Variants in POLR2B observed in about 807,000 individuals in gnomAD.
The protein encoded by POLR2B is RNA polymerase II subunit B, also known as DNA-directed RNA polymerase II subunit RPB2.
Under a neutral mutation model 144.6 loss-of-function variants are expected in POLR2B, and 57 were observed. The ratio of observed to expected loss-of-function variants is 0.39; its 90% confidence interval spans 0.32 to 0.49. The LOEUF is 0.49. Among genes scored for constraint, POLR2B ranks in the 20% least tolerant of loss-of-function variants. POLR2B has a pLI of 0.83. For missense variants in POLR2B, 595 were observed against 1,467.4 expected, an observed-to-expected ratio of 0.41 and a Z score of 9.71; for synonymous variants, 442 against 469.8, an observed-to-expected ratio of 0.94 and a Z score of 0.77.
chr4:57,005,487 T>A, intron 8 of POLR2B, 45 bp downstream of exon 8: 1 of 1,491,780 alleles, frequency 6.7e-7, no homozygotes, highest in Non-Finnish European at 9.0e-7. Flanking sequence ...AAGATACAGT[T>A]GAGATAAAGG....
Position 56,979,011 on chromosome 4 carries a change from G to A in POLR2B, c.19+7G>A. Reference sequence around the variant, plus strand: ...ATGTACGACGCGGATGAGGGTAGGTGAACGCTCAAAACACACGCCGTGGCG... The same window carrying A: ...ATGTACGACGCGGATGAGGGTAGGTAAACGCTCAAAACACACGCCGTGGCG... On this transcript the variant is annotated splice_region_variant and intron_variant, in intron 1 of 24. Transcript: ENST00000314595. 6.2e-7 allele frequency: 1 copy of A among 1,613,254 alleles called. No homozygotes were observed. The highest frequency in any genetic ancestry group is 8.5e-7 in the Non-Finnish European group (1 of 1,179,484).
At chr4:57,030,099 C>A in intron 23 of POLR2B, 105 bp from the exon 24 acceptor site, 1 of 884,066 alleles carries the variant, frequency 1.1e-6, no homozygotes, top group Non-Finnish European at 1.8e-6. Context: ...AAATTAGAGC[C>A]TAGTTATCCG....
intron 1 of POLR2B, among the ~76,000 whole-genome samples, chr4:56,979,275 G>A (rs764629396): frequency 3.9e-5 from 6 of 152,278 alleles, no homozygotes; most frequent in Non-Finnish European, 8.8e-5. Flanking sequence ...TGGTGAAGTA[G>A]CGTGCAGAAT....
In POLR2B at chr4:57,019,594, A is replaced by G. The variant is rs540864189; in HGVS notation, c.2324-1305A>G. Among the ~76,000 whole-genome samples the G allele has an allele frequency of 3.9e-5, 6 of 152,176 alleles. No individual in the cohort carries two copies. In the East Asian group the frequency reaches 1.2e-3, roughly 29 times the overall value. Reference sequence around the variant, plus strand: ...TTTATTTCTCCTCCTGAACCACATGAGAGTAAGTTGCAGGCATGAAGCCAT... The same window carrying G: ...TTTATTTCTCCTCCTGAACCACATGGGAGTAAGTTGCAGGCATGAAGCCAT... On this transcript the variant is annotated intron_variant, in intron 16 of 24. Coordinates refer to ENST00000314595, the MANE Select transcript of POLR2B (RefSeq NM_000938.3).
rs1325314185 is a variant in POLR2B, at chr4:56,996,205, C to CGTGTGTGTGTGT, written c.735+796_735+797insGTGTGTGTGTGT. On this transcript the variant is annotated intron_variant, in intron 6 of 24. Coordinates refer to ENST00000314595, the MANE Select transcript of POLR2B (RefSeq NM_000938.3). ...ATCTTGGAAAACCTCTATTTCAGTT[C>CGTGTGTGTGTGT]ATGTGTGTGTGTGTGTGTGTGTGTG... 6.5e-3 allele frequency among the ~76,000 whole-genome samples: 269 copies of CGTGTGTGTGTGT among 41,152 alleles called. 2 individuals carry two copies. Among genetic ancestry groups the CGTGTGTGTGTGT allele is most frequent in the Middle Eastern group, 0.026 (2 of 76 alleles). The allele number at this position is 41,152 out of a possible 152,430, so 27.0% of individuals were successfully genotyped here. A position where few individuals can be genotyped will look rare whatever the true frequency, so the allele number is the denominator to read the frequency against.
chr4:57,029,288 T>C (rs1267804435), intron 23 of POLR2B, among the ~76,000 whole-genome samples: 1 of 152,208 alleles, frequency 6.6e-6, no homozygotes, highest in Non-Finnish European at 1.5e-5. Context: ...CCTTCTTCAG[T>C]TTTTAGCCAG....
chr4:56,979,041 A>G, intron 1 of POLR2B, 37 bp downstream of exon 1: 2 of 1,608,724 alleles, frequency 1.2e-6, no homozygotes, highest in Non-Finnish European at 8.5e-7. Flanking sequence ...GTGGCGGTCC[A>G]TTTAAGCAGG....
intron 23 of POLR2B, 106 bp from the exon 24 acceptor site, chr4:57,030,098 C>A: frequency 1.1e-6 from 1 of 873,614 alleles, no homozygotes; most frequent in Non-Finnish European, 1.8e-6. Flanking sequence ...AAAATTAGAG[C>A]CTAGTTATCC....
At chr4:57,008,615 A>C (rs577407910) in intron 10 of POLR2B, among the ~76,000 whole-genome samples, 82 of 152,370 alleles carry the variant, frequency 5.4e-4, no homozygotes, top group African/African-American at 2.0e-3. Flanking sequence ...AGATGTAAAC[A>C]GATAATTACA....
chr4:57,017,832 C>T lies in POLR2B; in HGVS notation c.2323+104C>T. 1 of 690,758 alleles carries T rather than the reference C, an allele frequency of 1.4e-6. No homozygotes were observed. Among genetic ancestry groups the T allele is most frequent in the Non-Finnish European group, 2.4e-6 (1 of 425,490 alleles). The allele number at this position is 690,758 out of a possible 1,614,324, so 42.8% of individuals were successfully genotyped here. ...AAATAAATATGACATAGTGCCTGTT[C>T]TCACGGAATTTATAATATGGTGGGA... On this transcript the variant is annotated intron_variant, in intron 16 of 24. Transcript: ENST00000314595. This position sits in a 1 kb window ranked among gnomAD's most constrained non-coding sequence, Gnocchi z 4.8.
At chr4:56,980,863 G>A (rs1722136456) in intron 1 of POLR2B, among the ~76,000 whole-genome samples, 1 of 150,980 alleles carries the variant, frequency 6.6e-6, no homozygotes, top group Non-Finnish European at 1.5e-5. Flanking sequence ...TGAGTGTGGT[G>A]GCGCAATCTC....
chr4:57,022,397 A>C, intron 18 of POLR2B, 151 bp downstream of exon 18: 1 of 618,834 alleles, frequency 1.6e-6, no homozygotes, highest in Non-Finnish European at 2.9e-6. Context: ...TGTTATTCTT[A>C]GAGTTCACAT....
chr4:57,012,900 G>T (rs1723239010), intron 13 of POLR2B, among the ~76,000 whole-genome samples: 1 of 151,722 alleles, frequency 6.6e-6, no homozygotes, highest in Non-Finnish European at 1.5e-5. Flanking sequence ...GAGTGCAGTG[G>T]CATGATCTCG....
intron 1 of POLR2B, among the ~76,000 whole-genome samples, chr4:56,983,201 G>A (rs967712292): frequency 1.8e-4 from 27 of 151,972 alleles, no homozygotes; most frequent in African/African-American, 5.6e-4. Flanking sequence ...CTGTGCTTCC[G>A]CTACATTGGC....
rs1453970749 is a variant in POLR2B at position 56,994,527 on chromosome 4, A to G, written c.356+11A>G. On this transcript the variant is annotated intron_variant, in intron 4 of 24. Coordinates refer to ENST00000314595, the MANE Select transcript of POLR2B (RefSeq NM_000938.3). The stretch of plus-strand genomic sequence containing the variant: ...ATTAAGGAATCTCACGTAAGAAAGA[A>G]TTTTTCCTTGTCAGCAGTAGATACT... 1.3e-6 allele frequency: 2 copies of G among 1,534,124 alleles called. No homozygotes were observed. The highest frequency in any genetic ancestry group is 1.1e-5 in the South Asian group (1 of 88,990).
At chr4:57,004,107 A>G (rs2109679911) in intron 7 of POLR2B, among the ~76,000 whole-genome samples, 1 of 136,444 alleles carries the variant, frequency 7.3e-6, no homozygotes, top group South Asian at 2.3e-4. Context: ...GCTCACTGCA[A>G]CCTCCACCTC....
chr4:57,023,709 A>T lies in POLR2B; in HGVS notation c.2814A>T (p.Arg938=), dbSNP rs1447586269. The change falls in exon 20 of 25, where the codon CGA becomes CGT. Residue 938 remains arginine, a synonymous_variant. Transcript: ENST00000314595. This position sits in a 1 kb window ranked among gnomAD's most constrained non-coding sequence, Gnocchi z 4.3. ...AGATTGGAGACAAATTTGCTAGTCGACATGGTCAAAAGGGTACTTGTGGTA... is the reference window on the plus strand; with the variant it reads ...AGATTGGAGACAAATTTGCTAGTCGTCATGGTCAAAAGGGTACTTGTGGTA... ...IPQIGDKFAS[R]HGQKGTCGIQ... 1 of 1,613,148 alleles carries T rather than the reference A, an allele frequency of 6.2e-7. No homozygotes were observed. Among genetic ancestry groups the T allele is most frequent in the South Asian group, 1.1e-5 (1 of 91,026 alleles).
rs1216429578 is a variant in POLR2B, at chr4:57,007,730, C to T, written c.1404+728C>T. ...ATATATAATGACTGCAGTAGCTATT[C>T]TCAGATGGAGTAATGGAGAAAAGCT... On this transcript the variant is annotated intron_variant, in intron 10 of 24. Transcript: ENST00000314595. 3.3e-5 allele frequency among the ~76,000 whole-genome samples: 5 copies of T among 152,270 alleles called. No homozygotes were observed. In the East Asian group the frequency reaches 9.7e-4, roughly 29 times the overall value.
intron 1 of POLR2B, chr4:56,985,385 G>T: frequency 1.0e-6 from 1 of 985,362 alleles, no homozygotes; most frequent in Non-Finnish European, 1.2e-6. Flanking sequence ...ACGGGCGGCG[G>T]GCTCGGTGCT....
Sources: allele counts gnomAD v4.1 joint callset (sites outside exome capture counted in the v4.1 genomes callset), GRCh38; gene constraint gnomAD v4.1.1; non-coding constraint Gnocchi (gnomAD v3.1); transcripts MANE v1.5; gene names NCBI Gene and HGNC (gene_info 2026-07-23, HGNC 2026-07-21).